ACSL1: variants seen among roughly 807,000 people sequenced by gnomAD.
The protein encoded by ACSL1 is long-chain-fatty-acid--CoA ligase 1.
ACSL1 carries 41 observed loss-of-function variants against 98.4 expected under a neutral mutation model. That is an observed-to-expected ratio of 0.42 (90% confidence interval 0.32 to 0.54). The LOEUF is 0.54. Among genes scored for constraint, ACSL1 ranks in the 20% least tolerant of loss-of-function variants. The probability of loss-of-function intolerance (pLI) is 0.13; values close to 1 mark genes in which losing one functional copy is unlikely to be tolerated. For synonymous variants in ACSL1, 316 were observed against 322.7 expected (o/e 0.98, Z 0.22); for missense variants, 734 against 883.1 (o/e 0.83, Z 2.14).
At chr4:184,791,014 G>A (rs1370276778) in intron 2 of ACSL1, among the ~76,000 whole-genome samples, 1 of 152,242 alleles carries the variant, frequency 6.6e-6, no homozygotes, top group African/African-American at 2.4e-5. Context: ...TGTGAAAAGA[G>A]ATAAGAAAAG....
intron 2 of ACSL1, 80 bp from the exon 3 acceptor site, chr4:184,788,811 A>G (rs780872474): frequency 9.7e-7 from 1 of 1,033,502 alleles, no homozygotes; most frequent in African/African-American, 1.6e-5. Context: ...AAGCTAATTA[A>G]CATATCCATT....
chr4:184,797,944 A>G (rs990142935), intron 2 of ACSL1, among the ~76,000 whole-genome samples: 2 of 152,252 alleles, frequency 1.3e-5, no homozygotes, highest in African/African-American at 4.8e-5. Context: ...GGCTTTATGA[A>G]GCATAGGATT....
At position 184,803,387 on chromosome 4, in the gene ACSL1, CAGA is replaced by C. The variant is rs1183074194; in HGVS notation, c.125_127del (p.Phe42del). 1 of 1,613,662 alleles carries C rather than the reference CAGA, an allele frequency of 6.2e-7. No individual in the cohort carries two copies. Among genetic ancestry groups the C allele is most frequent in the Non-Finnish European group, 8.5e-7 (1 of 1,179,878 alleles). On this transcript the variant is annotated inframe_deletion, in exon 2 of 21. Coordinates refer to ENST00000281455, the MANE Select transcript of ACSL1 (RefSeq NM_001995.5). This position sits in a 1 kb window ranked among gnomAD's most constrained non-coding sequence, Gnocchi z 4.8. ...CAGGGGTTTGGGTCTCGTGGCGTAC[CAGA>C]AGGTGGTGAGTGCTGCAAAAGCTCC...
At chr4:184,805,485 G>C (rs182469394) in intron 1 of ACSL1, 1 of 985,454 alleles carries the variant, frequency 1.0e-6, no homozygotes, top group Non-Finnish European at 1.2e-6. Flanking sequence ...TTCAGGCCAT[G>C]GTTCTGGAAA....
chr4:184,779,390 C>A (rs113895097), intron 5 of ACSL1, among the ~76,000 whole-genome samples: 4 of 152,198 alleles, frequency 2.6e-5, no homozygotes, highest in South Asian at 2.1e-4. Flanking sequence ...GAGGCCCCCC[C>A]AGCCATGTGA....
intron 2 of ACSL1, among the ~76,000 whole-genome samples, chr4:184,794,899 C>A (rs1054963399): frequency 9.7e-5 from 14 of 143,804 alleles, no homozygotes; most frequent in African/African-American, 4.0e-4. Flanking sequence ...CTCCAGTTTC[C>A]AACTTCCCGG....
At chr4:184,762,371 C>G (rs1364520500) in intron 17 of ACSL1, 36 bp downstream of exon 17, 5 of 1,535,240 alleles carry the variant, frequency 3.3e-6, no homozygotes, top group Non-Finnish European at 4.5e-6. Flanking sequence ...CACAGTGGAA[C>G]TGAACTGTTT....
intron 2 of ACSL1, among the ~76,000 whole-genome samples, chr4:184,799,306 G>A (rs184429783): frequency 8.6e-4 from 131 of 151,894 alleles, no homozygotes; most frequent in African/African-American, 3.0e-3. Context: ...TAGTAGAGAC[G>A]GGGTTTCACT....
At chr4:184,765,711 A>AT (rs1763492671) in intron 14 of ACSL1, among the ~76,000 whole-genome samples, 180 bp downstream of exon 14, 1 of 152,228 alleles carries the variant, frequency 6.6e-6, no homozygotes, top group African/African-American at 2.4e-5. Context: ...TCATTTAGCC[A>AT]TTCCACAATG....
intron 1 of ACSL1, among the ~76,000 whole-genome samples, chr4:184,811,195 G>C (rs1220117600): frequency 1.3e-5 from 2 of 150,622 alleles, no homozygotes; most frequent in Non-Finnish European, 3.0e-5. Context: ...TGCAAGCTCC[G>C]CCTTCTGGGT....
intron 1 of ACSL1, among the ~76,000 whole-genome samples, chr4:184,824,601 AG>A (rs1202163761): frequency 6.6e-6 from 1 of 152,118 alleles, no homozygotes; most frequent in African/African-American, 2.4e-5. Flanking sequence ...AAATATAAGG[AG>A]GGGGGCCTCA....
intron 14 of ACSL1, among the ~76,000 whole-genome samples, chr4:184,765,234 C>T (rs202046765): frequency 2.0e-5 from 3 of 152,200 alleles, no homozygotes; most frequent in East Asian, 3.8e-4. Flanking sequence ...ACACATGCCC[C>T]GTCTGCCACC....
At position 184,773,530 on chromosome 4, in the gene ACSL1, C is replaced by T; in HGVS notation, c.841+133G>A. 1.3e-6 allele frequency: 1 copy of T among 795,710 alleles called. No individual in the cohort carries two copies. The highest frequency in any genetic ancestry group is 2.0e-6 in the Non-Finnish European group (1 of 497,788). The allele number at this position is 795,710 out of a possible 1,614,324, so 49.3% of individuals were successfully genotyped here. A position where few individuals can be genotyped will look rare whatever the true frequency, so the allele number is the denominator to read the frequency against. On this transcript the variant is annotated intron_variant, in intron 9 of 20. Coordinates refer to ENST00000281455, the MANE Select transcript of ACSL1 (RefSeq NM_001995.5). The surrounding 1 kb of genome is among the most constrained non-coding windows in gnomAD (Gnocchi z 4.3). ...AAGATCTTACAGAGCAACAAGAAGA[C>T]AGCACTTGAACCGCTTCCTTCTCTT... is the stretch of plus-strand genomic sequence containing the variant.
Position 184,766,007 on chromosome 4 carries a change from G to C in ACSL1, c.1264-21C>G, listed in dbSNP as rs1465849424. On this transcript the variant is annotated intron_variant, in intron 13 of 20. Transcript: ENST00000281455. This position sits in a 1 kb window ranked among gnomAD's most constrained non-coding sequence, Gnocchi z 4.8. ...CTCGACTTTCAGGGAGGGAGAGTGG[G>C]AGAAGGTGAGGGTTACACACCTGGA... 3.7e-6 allele frequency: 6 copies of C among 1,612,250 alleles called. No homozygotes were observed. The African/African-American group carries it at 8.0e-5, about 22-fold the overall frequency.
rs1030879069 is a variant in ACSL1, at chr4:184,818,275, A to G, written c.-33+7641T>C. 9.2e-5 allele frequency among the ~76,000 whole-genome samples: 14 copies of G among 152,172 alleles called. 1 individual carries two copies. The highest frequency in any genetic ancestry group is 2.1e-4 in the Non-Finnish European group (14 of 68,024). On this transcript the variant is annotated intron_variant, in intron 1 of 20. Coordinates refer to ENST00000281455, the MANE Select transcript of ACSL1 (RefSeq NM_001995.5). ...ACACAAGAATACCAGGTAAAGGAAG[A>G]CTACAGTAGAGTTATGTAACATTAG...
intron 12 of ACSL1, chr4:184,768,065 G>A (rs75677627): frequency 0.015 from 6,938 of 476,444 alleles, 82 homozygotes; most frequent in African/African-American, 0.037. Flanking sequence ...AAAATAAAAT[G>A]ACCTCCCACA....
Position 184,760,481 on chromosome 4 carries a change from A to G in ACSL1, c.1658T>C (p.Ile553Thr), listed in dbSNP as rs771362800. The change falls in exon 18 of 21, where the codon ATC becomes ACC. Residue 553 changes from isoleucine to threonine, a missense_variant. Coordinates refer to ENST00000281455, the MANE Select transcript of ACSL1 (RefSeq NM_001995.5). ...CTTAAATATGTGCTTTTTCCGGTCG[A>G]TAATTTTCAAGGTGCCATTCTGTTG... ...KWLPNGTLKI[I>T]DRKKHIFKLA... 1.2e-6 allele frequency: 2 copies of G among 1,614,074 alleles called. No homozygotes were observed. The highest frequency in any genetic ancestry group is 2.7e-5 in the African/African-American group (2 of 74,938).
chr4:184,778,744 T>G (rs28654407), intron 5 of ACSL1, among the ~76,000 whole-genome samples: 44,718 of 152,058 alleles, frequency 0.29, 7,377 homozygotes, highest in East Asian at 0.68. Context: ...AATGAACTCA[T>G]AAATACAGGA....
In ACSL1 at chr4:184,760,354, T is replaced by A; in HGVS notation, c.1782+3A>T. 1 of 1,614,020 alleles carries A rather than the reference T, an allele frequency of 6.2e-7. No homozygotes were observed. The highest frequency in any genetic ancestry group is 8.5e-7 in the Non-Finnish European group (1 of 1,179,928). ...CAAGATTCAAGACCCAGAAAGCACA[T>A]ACCTGCAGGCTTTCTCCGTGGACAA... On this transcript the variant is annotated splice_donor_region_variant and intron_variant, in intron 18 of 20. Coordinates refer to ENST00000281455, the MANE Select transcript of ACSL1 (RefSeq NM_001995.5).
Sources: gnomAD v4.1 joint callset for allele counts (sites outside exome capture counted in the v4.1 genomes callset) on GRCh38, gnomAD v4.1.1 for gene constraint, Gnocchi (gnomAD v3.1) non-coding constraint, MANE v1.5 for transcripts, NCBI Gene and HGNC (gene_info 2026-07-23, HGNC 2026-07-21) for gene names.